Variants in ADGRB3 observed in about 807,000 individuals in gnomAD.
ADGRB3 encodes the protein brain-specific angiogenesis inhibitor 3.
ADGRB3 carries 37 observed loss-of-function variants against 193.4 expected under a neutral mutation model. The ratio of observed to expected loss-of-function variants is 0.19; its 90% confidence interval spans 0.15 to 0.25. The LOEUF is 0.25. Among genes scored for constraint, ADGRB3 ranks in the 10% least tolerant of loss-of-function variants. The probability of loss-of-function intolerance (pLI) is 1.00; values close to 1 mark genes in which losing one functional copy is unlikely to be tolerated. For missense variants in ADGRB3, 1,637 were observed against 1,852.9 expected (o/e 0.88, Z 2.14); for synonymous variants, 690 against 644.2 (o/e 1.07, Z -1.08).
Position 69,173,898 on chromosome 6 carries a change from G to A in ADGRB3, c.2481-59392G>A, listed in dbSNP as rs554512961. Among the ~76,000 whole-genome samples the A allele has an allele frequency of 2.6e-5, 4 of 152,302 alleles. No individual in the cohort carries two copies. The South Asian group carries it at 8.3e-4, about 32-fold the overall frequency. On this transcript the variant is annotated intron_variant, in intron 17 of 31. Transcript: ENST00000370598. ...GGGTAGGAAAAGGACAAAGCAGAAAGTAATGGAGAACATGCAGGAATGGTA... is the reference window on the plus strand; with the variant it reads ...GGGTAGGAAAAGGACAAAGCAGAAAATAATGGAGAACATGCAGGAATGGTA...
chr6:68,895,597 A>G (rs918964144), intron 3 of ADGRB3, among the ~76,000 whole-genome samples: 1 of 152,038 alleles, frequency 6.6e-6, no homozygotes, highest in Non-Finnish European at 1.5e-5. Flanking sequence ...AAATACCTAC[A>G]GTCTTGAAAC....
At chr6:68,862,555 A>C (rs1296500951) in intron 3 of ADGRB3, among the ~76,000 whole-genome samples, 1 of 152,210 alleles carries the variant, frequency 6.6e-6, no homozygotes, top group African/African-American at 2.4e-5. Flanking sequence ...AGGGGGACCA[A>C]GTCTCAGGGA....
chr6:68,702,568 G>A (rs1765258772), intron 3 of ADGRB3, among the ~76,000 whole-genome samples: 1 of 152,146 alleles, frequency 6.6e-6, no homozygotes, highest in African/African-American at 2.4e-5. Flanking sequence ...ACAGCCTACA[G>A]GGATCAGTTT....
At chr6:69,046,746 C>A (rs1283924255) in intron 13 of ADGRB3, among the ~76,000 whole-genome samples, 2 of 152,144 alleles carry the variant, frequency 1.3e-5, no homozygotes, top group East Asian at 3.8e-4. Flanking sequence ...TAATTTGAAA[C>A]TAAGTAGTGC....
intron 3 of ADGRB3, among the ~76,000 whole-genome samples, chr6:68,867,977 G>A (rs1765346921): frequency 6.6e-6 from 1 of 152,156 alleles, no homozygotes; most frequent in Non-Finnish European, 1.5e-5. Context: ...TGTCTCAGAT[G>A]AGACTTTGGA....
intron 3 of ADGRB3, among the ~76,000 whole-genome samples, chr6:68,887,655 TG>T (rs1765948712): frequency 8.0e-6 from 1 of 125,444 alleles, no homozygotes; most frequent in Admixed American, 7.7e-5. Flanking sequence ...CTTAACTCTT[TG>T]TTTAATATCT....
At chr6:69,202,514 G>C (rs924332835) in intron 17 of ADGRB3, among the ~76,000 whole-genome samples, 6 of 152,036 alleles carry the variant, frequency 3.9e-5, no homozygotes, top group African/African-American at 1.2e-4. Context: ...TCTCAAAATT[G>C]TCCTATAAAC....
At chr6:69,066,016 G>A (rs1349371591) in intron 16 of ADGRB3, among the ~76,000 whole-genome samples, 1 of 151,892 alleles carries the variant, frequency 6.6e-6, no homozygotes, top group Non-Finnish European at 1.5e-5. Context: ...ACAACAGAAT[G>A]TGCATAGGTT....
At chr6:68,994,074 T>C in intron 11 of ADGRB3, 112 bp downstream of exon 11, 1 of 324,148 alleles carries the variant, frequency 3.1e-6, no homozygotes, top group Admixed American at 4.8e-5. Flanking sequence ...ATAATGCTCA[T>C]CCAAGTTATG....
chr6:68,960,079 G>A (rs1008358304), intron 8 of ADGRB3, among the ~76,000 whole-genome samples: 1 of 152,046 alleles, frequency 6.6e-6, no homozygotes, highest in Non-Finnish European at 1.5e-5. Context: ...TTCTAGCTTC[G>A]TAGGAACCAC....
At chr6:68,888,801 A>C (rs1482831916) in intron 3 of ADGRB3, among the ~76,000 whole-genome samples, 1 of 152,314 alleles carries the variant, frequency 6.6e-6, no homozygotes, top group Non-Finnish European at 1.5e-5. Flanking sequence ...TCTAGAGTTA[A>C]GAGTATTAAA....
intron 13 of ADGRB3, among the ~76,000 whole-genome samples, chr6:69,033,722 A>T (rs185736397): frequency 6.6e-6 from 1 of 152,276 alleles, no homozygotes; most frequent in Non-Finnish European, 1.5e-5. Context: ...TGAACCAGAT[A>T]TGCAGTTGTT....
chr6:69,234,975 G>C, intron 18 of ADGRB3, 57 bp from the exon 19 acceptor site: 1 of 1,376,480 alleles, frequency 7.3e-7, no homozygotes, highest in Admixed American at 1.7e-5. Flanking sequence ...GAGTCTAGAA[G>C]TTATTTTAAT....
intron 3 of ADGRB3, among the ~76,000 whole-genome samples, chr6:68,820,946 G>A (rs558225848): frequency 3.9e-5 from 6 of 152,016 alleles, no homozygotes; most frequent in Admixed American, 2.0e-4. Flanking sequence ...GTAACATGAA[G>A]TACAGAAAAG....
At chr6:69,382,976 C>T in intron 31 of ADGRB3, 41 bp downstream of exon 31, 1 of 1,341,686 alleles carries the variant, frequency 7.5e-7, no homozygotes, top group Non-Finnish European at 1.1e-6. Flanking sequence ...GAAGATGCAT[C>T]ATGTCAGATA....
chr6:68,998,059 A>G (rs1430192420), intron 11 of ADGRB3, among the ~76,000 whole-genome samples: 2 of 152,222 alleles, frequency 1.3e-5, no homozygotes, highest in Non-Finnish European at 2.9e-5. Context: ...TCAATTCACA[A>G]CAAACCTATT....
At chr6:69,210,170 A>ATAT (rs70987458) in intron 17 of ADGRB3, among the ~76,000 whole-genome samples, 11 of 131,752 alleles carry the variant, frequency 8.3e-5, no homozygotes, top group Non-Finnish European at 1.3e-4. Flanking sequence ...ATATATATAT[A>ATAT]AAGGGGAGTT....
chr6:68,922,524 G>C (rs1767072282), intron 3 of ADGRB3, among the ~76,000 whole-genome samples: 1 of 152,196 alleles, frequency 6.6e-6, no homozygotes, highest in African/African-American at 2.4e-5. Context: ...TTCGTGTACA[G>C]ACCTGTTCAT....
At chr6:68,980,247 A>C (rs1768868874) in intron 10 of ADGRB3, among the ~76,000 whole-genome samples, 2 of 151,502 alleles carry the variant, frequency 1.3e-5, no homozygotes, top group South Asian at 2.1e-4. Context: ...TTTACCTAAC[A>C]TTTTTTACAG....
Sources: gnomAD v4.1 joint callset for allele counts (sites outside exome capture counted in the v4.1 genomes callset) on GRCh38, gnomAD v4.1.1 for gene constraint, MANE v1.5 for transcripts, NCBI Gene and HGNC (gene_info 2026-07-23, HGNC 2026-07-21) for gene names.